Variants in QTMAN observed in about 807,000 individuals in gnomAD.
QTMAN encodes queuosine-tRNA mannosyltransferase, also known as tRNA-queuosine alpha-mannosyltransferase.
At chr2:144,315,922 C>T in the QTMAN span, among the ~76,000 whole-genome samples, 1 of 152,174 alleles carries the variant, frequency 6.6e-6, no homozygotes, top group East Asian at 1.9e-4. Context: ...TACTTCACTC[C>T]CCCTGGGGGA....
the QTMAN span, among the ~76,000 whole-genome samples, chr2:144,181,646 G>A: frequency 6.6e-6 from 1 of 151,682 alleles, no homozygotes; most frequent in Non-Finnish European, 1.5e-5. Flanking sequence ...CTTCATCTCC[G>A]CTAAAAATAC....
chr2:144,302,904 C>T, the QTMAN span, among the ~76,000 whole-genome samples: 1 of 152,110 alleles, frequency 6.6e-6, no homozygotes, highest in Non-Finnish European at 1.5e-5. Flanking sequence ...GAGTTCGAGA[C>T]CAGCCTGGCC....
the QTMAN span, among the ~76,000 whole-genome samples, chr2:144,109,140 A>C: frequency 1.3e-5 from 2 of 152,212 alleles, no homozygotes; most frequent in Non-Finnish European, 2.9e-5. Context: ...CCTGACTTCA[A>C]ACTATACTAC....
At chr2:144,314,414 A>G in the QTMAN span, among the ~76,000 whole-genome samples, 1 of 152,178 alleles carries the variant, frequency 6.6e-6, no homozygotes, top group Non-Finnish European at 1.5e-5. Flanking sequence ...GGCCTGATAG[A>G]AACAGTGCAT....
At chr2:144,234,042 A>T in the QTMAN span, among the ~76,000 whole-genome samples, 2 of 152,178 alleles carry the variant, frequency 1.3e-5, no homozygotes, top group Non-Finnish European at 2.9e-5. Context: ...TTAGGTCACT[A>T]TTCAGAGACA....
the QTMAN span, among the ~76,000 whole-genome samples, chr2:144,306,805 CAA>C: frequency 6.6e-6 from 1 of 152,088 alleles, no homozygotes; most frequent in Non-Finnish European, 1.5e-5. Context: ...CATAAAAATG[CAA>C]AGACAGGTTT....
chr2:144,228,749 A>C, the QTMAN span, among the ~76,000 whole-genome samples: 1 of 152,202 alleles, frequency 6.6e-6, no homozygotes, highest in Non-Finnish European at 1.5e-5. Flanking sequence ...ACCTGAGGTC[A>C]GGAGTTCGAG....
chr2:144,184,048 C>G, the QTMAN span, among the ~76,000 whole-genome samples: 1 of 152,120 alleles, frequency 6.6e-6, no homozygotes, highest in Non-Finnish European at 1.5e-5. Flanking sequence ...ATTTAAAGAC[C>G]AGATGAGCAA....
the QTMAN span, among the ~76,000 whole-genome samples, chr2:144,037,589 CG>C: frequency 6.6e-6 from 1 of 152,166 alleles, no homozygotes; most frequent in South Asian, 2.1e-4. Context: ...AACCTGAGAA[CG>C]CTCTGTTCTA....
At chr2:144,001,482 G>C in the QTMAN span, among the ~76,000 whole-genome samples, 1 of 151,740 alleles carries the variant, frequency 6.6e-6, no homozygotes, top group African/African-American at 2.4e-5. Flanking sequence ...TGCAAATACC[G>C]TATAGCTCAT....
At chr2:144,200,584 G>A in the QTMAN span, among the ~76,000 whole-genome samples, 2 of 152,196 alleles carry the variant, frequency 1.3e-5, no homozygotes, top group East Asian at 1.9e-4. Context: ...GTGTTGGGCC[G>A]CATTCAAAGC....
chr2:144,182,637 C>T, the QTMAN span, among the ~76,000 whole-genome samples: 1 of 112,682 alleles, frequency 8.9e-6, no homozygotes, highest in Non-Finnish European at 1.8e-5. Context: ...CAGTGAGACT[C>T]CGTCTCAAAA....
chr2:144,309,404 G>A, the QTMAN span, among the ~76,000 whole-genome samples: 1 of 152,208 alleles, frequency 6.6e-6, no homozygotes, highest in Non-Finnish European at 1.5e-5. Context: ...AGCAAATTGT[G>A]AGCACATTTA....
chr2:144,082,073 G>A, the QTMAN span, among the ~76,000 whole-genome samples: 1 of 152,144 alleles, frequency 6.6e-6, no homozygotes, highest in African/African-American at 2.4e-5. Flanking sequence ...AAAATTTTTT[G>A]TAAGGACGAG....
At chr2:144,213,076 CA>C in the QTMAN span, among the ~76,000 whole-genome samples, 6 of 152,002 alleles carry the variant, frequency 3.9e-5, no homozygotes, top group East Asian at 9.7e-4. Context: ...ACATTTTGAC[CA>C]AAATGAAAAA....
the QTMAN span, among the ~76,000 whole-genome samples, chr2:143,970,950 C>G: frequency 6.6e-6 from 1 of 152,062 alleles, no homozygotes; most frequent in African/African-American, 2.4e-5. Flanking sequence ...TGTCCACAAA[C>G]TTGTCTCTTA....
the QTMAN span, among the ~76,000 whole-genome samples, chr2:144,180,257 CA>C: frequency 6.6e-6 from 1 of 151,874 alleles, no homozygotes; most frequent in South Asian, 2.1e-4. Context: ...AAAAGATACG[CA>C]ATTTGATTGA....
the QTMAN span, among the ~76,000 whole-genome samples, chr2:144,106,787 A>G: frequency 1.4e-4 from 21 of 152,340 alleles, no homozygotes; most frequent in African/African-American, 4.8e-4. Context: ...CTCCACCCCA[A>G]ATCAACAGAA....
chr2:144,025,865 G>C, the QTMAN span, among the ~76,000 whole-genome samples: 1 of 152,208 alleles, frequency 6.6e-6, no homozygotes, highest in Admixed American at 6.5e-5. Context: ...AGGGGAGAAG[G>C]CATGAACAGA....
Sources: gnomAD v4.1 joint callset for allele counts (sites outside exome capture counted in the v4.1 genomes callset) on GRCh38, gnomAD v4.1.1 for gene constraint, MANE v1.5 for transcripts, NCBI Gene and HGNC (gene_info 2026-07-23, HGNC 2026-07-21) for gene names.